ENTREP1: variants seen among roughly 807,000 people sequenced by gnomAD.
ENTREP1 encodes Friedreich ataxia region gene X123.
chr9:69,369,659 A>G, the ENTREP1 span, among the ~76,000 whole-genome samples: 1 of 151,554 alleles, frequency 6.6e-6, no homozygotes, highest in African/African-American at 2.4e-5. Flanking sequence ...ATACTTGCAC[A>G]AGCAGTGTCT....
chr9:69,383,972 G>T, the ENTREP1 span: 3 of 1,613,914 alleles, frequency 1.9e-6, no homozygotes, highest in Admixed American at 1.7e-5. Flanking sequence ...ATGTCAGAAG[G>T]ATCAGAAGCT....
chr9:69,336,934 G>A, the ENTREP1 span, among the ~76,000 whole-genome samples: 1 of 149,696 alleles, frequency 6.7e-6, no homozygotes, highest in Non-Finnish European at 1.5e-5. Context: ...TCCTGACCTC[G>A]TGATCCTCCC....
At chr9:69,348,145 C>G in the ENTREP1 span, among the ~76,000 whole-genome samples, 1 of 152,102 alleles carries the variant, frequency 6.6e-6, no homozygotes, top group Non-Finnish European at 1.5e-5. Context: ...AAAAGAAGAT[C>G]TCACTGTCAC....
the ENTREP1 span, chr9:69,377,538 G>A: frequency 5.7e-5 from 92 of 1,609,818 alleles, 1 homozygote; most frequent in South Asian, 7.7e-5. Flanking sequence ...GGACCCCTTC[G>A]TGTCATCCAC....
chr9:69,329,041 C>G, the ENTREP1 span, among the ~76,000 whole-genome samples: 4 of 152,200 alleles, frequency 2.6e-5, no homozygotes, highest in Non-Finnish European at 5.9e-5. Context: ...CGGCAAGTCT[C>G]AGTACTTCAT....
At chr9:69,326,236 A>G in the ENTREP1 span, among the ~76,000 whole-genome samples, 1 of 152,092 alleles carries the variant, frequency 6.6e-6, no homozygotes, top group Non-Finnish European at 1.5e-5. Flanking sequence ...GTAAATGTGA[A>G]ATGTGTAGGG....
chr9:69,372,037 T>C, the ENTREP1 span, among the ~76,000 whole-genome samples: 2 of 152,224 alleles, frequency 1.3e-5, no homozygotes, highest in African/African-American at 2.4e-5. Flanking sequence ...ATATTTTGCA[T>C]ATACTATTTA....
At chr9:69,357,985 A>G in the ENTREP1 span, among the ~76,000 whole-genome samples, 1 of 152,154 alleles carries the variant, frequency 6.6e-6, no homozygotes, top group Non-Finnish European at 1.5e-5. Flanking sequence ...GTCCTGTGCC[A>G]TTTGTCTTAT....
chr9:69,343,949 T>G, the ENTREP1 span, among the ~76,000 whole-genome samples: 86 of 152,334 alleles, frequency 5.6e-4, no homozygotes, highest in Non-Finnish European at 7.1e-4. Context: ...AATATCACAT[T>G]GCCAGTGCTA....
chr9:69,373,442 A>G, the ENTREP1 span, among the ~76,000 whole-genome samples: 1 of 152,174 alleles, frequency 6.6e-6, no homozygotes, highest in African/African-American at 2.4e-5. Context: ...GTAATCTTAC[A>G]TAAATATGTA....
chr9:69,344,663 G>GACCT, the ENTREP1 span, among the ~76,000 whole-genome samples: 1 of 152,250 alleles, frequency 6.6e-6, no homozygotes, highest in Admixed American at 6.5e-5. Context: ...GTGAGCCCGT[G>GACCT]ACCTCTACCC....
At chr9:69,339,600 T>C in the ENTREP1 span, among the ~76,000 whole-genome samples, 1 of 152,210 alleles carries the variant, frequency 6.6e-6, no homozygotes, top group Non-Finnish European at 1.5e-5. Context: ...GTTTAAGGAA[T>C]GTGCCATTGC....
chr9:69,358,814 G>A, the ENTREP1 span, among the ~76,000 whole-genome samples: 3 of 151,646 alleles, frequency 2.0e-5, no homozygotes, highest in African/African-American at 7.3e-5. Flanking sequence ...TTAAAAAGAA[G>A]CATCACATTT....
the ENTREP1 span, chr9:69,386,868 C>G: frequency 6.6e-6 from 1 of 152,252 alleles, no homozygotes; most frequent in African/African-American, 2.4e-5. Context: ...GAAGTCCTGC[C>G]GCCTGGTACT....
At chr9:69,388,228 G>A in the ENTREP1 span, 1 of 1,614,060 alleles carries the variant, frequency 6.2e-7, no homozygotes, top group Non-Finnish European at 8.5e-7. Context: ...CAGTGACTCT[G>A]AGGAGAGGCT....
At chr9:69,386,196 T>A in the ENTREP1 span, 1 of 321,378 alleles carries the variant, frequency 3.1e-6, no homozygotes, top group Non-Finnish European at 5.6e-6. Flanking sequence ...AATTTGGTTG[T>A]ACATGATACT....
chr9:69,334,659 T>A, the ENTREP1 span, among the ~76,000 whole-genome samples: 576 of 152,306 alleles, frequency 3.8e-3, 1 homozygote, highest in African/African-American at 0.013. Context: ...CATCCCAGGC[T>A]GAAAAATTAC....
At chr9:69,358,233 G>A in the ENTREP1 span, among the ~76,000 whole-genome samples, 14 of 152,196 alleles carry the variant, frequency 9.2e-5, no homozygotes, top group Non-Finnish European at 1.5e-4. Context: ...TCTTGAGGAA[G>A]TGATGAGTTC....
the ENTREP1 span, among the ~76,000 whole-genome samples, chr9:69,363,267 G>A: frequency 3.3e-5 from 5 of 152,296 alleles, no homozygotes; most frequent in East Asian, 9.6e-4. Context: ...AAACCCCAAT[G>A]ATGCATTGGC....
Sources: allele counts gnomAD v4.1 joint callset (sites outside exome capture counted in the v4.1 genomes callset), GRCh38; gene constraint gnomAD v4.1.1; transcripts MANE v1.5; gene names NCBI Gene and HGNC (gene_info 2026-07-23, HGNC 2026-07-21).